ITPK1: variants seen among roughly 807,000 people sequenced by gnomAD.
ITPK1 encodes inositol-tetrakisphosphate 1-kinase.
Under a neutral mutation model 45.3 loss-of-function variants are expected in ITPK1, and 21 were observed. The ratio of observed to expected loss-of-function variants is 0.46; its 90% confidence interval spans 0.33 to 0.67. ITPK1 has a LOEUF of 0.67. Among genes scored for constraint, ITPK1 ranks in the 30% least tolerant of loss-of-function variants. The pLI is 0.02. For missense variants in ITPK1, 474 were observed against 573.5 expected, an observed-to-expected ratio of 0.83 and a Z score of 1.77; for synonymous variants, 258 against 253.6, an observed-to-expected ratio of 1.02 and a Z score of -0.16.
rs531001853 is a variant in ITPK1 at position 92,966,191 on chromosome 14, T to A, written c.365-3342A>T. Among the ~76,000 whole-genome samples the A allele has an allele frequency of 9.9e-5, 15 of 152,052 alleles. No individual in the cohort carries two copies. In the East Asian group the frequency reaches 2.9e-3, roughly 30 times the overall value. On this transcript the variant is annotated intron_variant, in intron 5 of 10. Coordinates refer to ENST00000267615, the MANE Select transcript of ITPK1 (RefSeq NM_014216.6). ...TAATTGGTAGAGATGGGGGTCTCAC[T>A]ATGTTGCCCAGACTTGTCTCAAACT...
chr14:92,995,590 C>T (rs982551427), intron 4 of ITPK1, among the ~76,000 whole-genome samples: 1 of 152,180 alleles, frequency 6.6e-6, no homozygotes, highest in East Asian at 1.9e-4. Context: ...TGGTGGCCGG[C>T]GTAACCTAGG....
chr14:93,110,032 C>T (rs1216446359), intron 2 of ITPK1, among the ~76,000 whole-genome samples: 1 of 152,154 alleles, frequency 6.6e-6, no homozygotes, highest in African/African-American at 2.4e-5. Context: ...TTGATGCTCG[C>T]AACCCTAAGC....
At chr14:93,001,418 A>AG (rs1391655446) in intron 4 of ITPK1, among the ~76,000 whole-genome samples, 2 of 152,116 alleles carry the variant, frequency 1.3e-5, no homozygotes, top group Non-Finnish European at 1.5e-5. Flanking sequence ...CAAGCATCAG[A>AG]GGGGGCACAA....
chr14:93,025,440 C>T (rs1879985266), intron 3 of ITPK1, among the ~76,000 whole-genome samples: 2 of 152,152 alleles, frequency 1.3e-5, no homozygotes, highest in Non-Finnish European at 2.9e-5. Context: ...TTTAAATCAG[C>T]CCACGGTTTT....
chr14:92,995,551 G>A (rs990918161), intron 4 of ITPK1, among the ~76,000 whole-genome samples: 2 of 152,200 alleles, frequency 1.3e-5, no homozygotes, highest in African/African-American at 4.8e-5. Flanking sequence ...CTTTCTGTCT[G>A]AATGTTTAAA....
intron 5 of ITPK1, among the ~76,000 whole-genome samples, chr14:92,979,562 G>A (rs1204809131): frequency 1.3e-5 from 2 of 152,124 alleles, no homozygotes; most frequent in Admixed American, 1.3e-4. Flanking sequence ...CATGGAAGCA[G>A]ATTTCCCTCT....
At chr14:93,095,813 G>A (rs28534910) in intron 2 of ITPK1, among the ~76,000 whole-genome samples, 1,703 of 151,628 alleles carry the variant, frequency 0.011, 29 homozygotes, top group South Asian at 0.042. Flanking sequence ...TATACCCAAG[G>A]TTTAGTTCCC....
chr14:93,006,456 G>A (rs1887620044), intron 4 of ITPK1, among the ~76,000 whole-genome samples: 2 of 152,258 alleles, frequency 1.3e-5, no homozygotes, highest in Admixed American at 6.5e-5. Context: ...CAGGGCAGGG[G>A]CCCGAGCACG....
chr14:93,089,863 G>A (rs758122729), intron 2 of ITPK1, among the ~76,000 whole-genome samples: 1 of 152,214 alleles, frequency 6.6e-6, no homozygotes, highest in Non-Finnish European at 1.5e-5. Context: ...CATGCAGGGG[G>A]TCACAGCTGC....
intron 5 of ITPK1, among the ~76,000 whole-genome samples, chr14:92,979,464 T>C (rs1886106947): frequency 6.6e-6 from 1 of 152,132 alleles, no homozygotes; most frequent in South Asian, 2.1e-4. Context: ...GGTGGAATGA[T>C]ATGGTTTGGC....
chr14:93,104,462 C>A (rs1315223235), intron 2 of ITPK1, among the ~76,000 whole-genome samples: 2 of 145,942 alleles, frequency 1.4e-5, no homozygotes, highest in African/African-American at 5.0e-5. Flanking sequence ...AACTCCATCT[C>A]AAAAAAAAAA....
chr14:93,000,556 C>G (rs1013134873), intron 4 of ITPK1, among the ~76,000 whole-genome samples: 2 of 152,218 alleles, frequency 1.3e-5, no homozygotes, highest in African/African-American at 4.8e-5. Flanking sequence ...TCAAAATCAG[C>G]CATTCCAGTG....
chr14:93,110,713 C>A (rs1275232959), intron 2 of ITPK1, among the ~76,000 whole-genome samples: 3 of 152,192 alleles, frequency 2.0e-5, no homozygotes, highest in Admixed American at 6.5e-5. Flanking sequence ...ACAAAAGGGT[C>A]CCTGGTGGGA....
At chr14:93,053,174 G>A (rs1332807949) in intron 3 of ITPK1, among the ~76,000 whole-genome samples, 2 of 151,998 alleles carry the variant, frequency 1.3e-5, no homozygotes, top group Non-Finnish European at 2.9e-5. Flanking sequence ...AAAACCAGTG[G>A]TTCTCAGACA....
At chr14:93,079,967 A>G (rs1309414066) in intron 2 of ITPK1, among the ~76,000 whole-genome samples, 1 of 152,196 alleles carries the variant, frequency 6.6e-6, no homozygotes, top group African/African-American at 2.4e-5. Flanking sequence ...GTTAATTACC[A>G]AACTGTATGT....
At chr14:93,100,550 GAGAGAGAC>G (rs1892271258) in intron 2 of ITPK1, among the ~76,000 whole-genome samples, 1 of 146,898 alleles carries the variant, frequency 6.8e-6, no homozygotes, top group Non-Finnish European at 1.5e-5. Context: ...GAGAGAGAGA[GAGAGAGAC>G]AGAGAGAGAG....
chr14:93,087,574 T>C (rs1891698218), intron 2 of ITPK1, among the ~76,000 whole-genome samples: 1 of 152,208 alleles, frequency 6.6e-6, no homozygotes, highest in Non-Finnish European at 1.5e-5. Flanking sequence ...TCATACCCTT[T>C]TACCATGTAA....
At chr14:93,001,426 CA>C (rs983548967) in intron 4 of ITPK1, among the ~76,000 whole-genome samples, 1 of 152,168 alleles carries the variant, frequency 6.6e-6, no homozygotes, top group Admixed American at 6.5e-5. Context: ...AGAGGGGGCA[CA>C]ATTCCGTCAC....
At chr14:93,054,012 G>A (rs1276349894) in intron 3 of ITPK1, among the ~76,000 whole-genome samples, 1 of 152,174 alleles carries the variant, frequency 6.6e-6, no homozygotes, top group African/African-American at 2.4e-5. Flanking sequence ...AGGAAGCGAA[G>A]AGCAAAGGCT....
Sources: allele counts gnomAD v4.1 joint callset (sites outside exome capture counted in the v4.1 genomes callset), GRCh38; gene constraint gnomAD v4.1.1; transcripts MANE v1.5; gene names NCBI Gene and HGNC (gene_info 2026-07-23, HGNC 2026-07-21).